The following NFIB variants were observed in gnomAD, a reference collection of about 807,000 sequenced individuals.
NFIB encodes the protein nuclear factor 1 B-type.
A neutral mutation model predicts 61.5 loss-of-function variants in NFIB; 11 were observed. That is an observed-to-expected ratio of 0.18 (90% CI 0.11 to 0.30). The LOEUF is 0.30. Ranked by LOEUF, NFIB falls within the 10% of genes least tolerant of loss-of-function variation. NFIB has a pLI of 1.00. For missense variants in NFIB, 471 were observed against 608.9 expected (o/e 0.77, Z 2.38); for synonymous variants, 260 against 216.5 (o/e 1.20, Z -1.76).
At chr9:14,416,611 G>C in the NFIB span, among the ~76,000 whole-genome samples, 1 of 151,974 alleles carries the variant, frequency 6.6e-6, no homozygotes, top group African/African-American at 2.4e-5. Flanking sequence ...TGTGTTTTAA[G>C]CTGCATTATT....
chr9:14,124,232 T>C (rs964373233), intron 7 of NFIB, among the ~76,000 whole-genome samples: 4 of 152,202 alleles, frequency 2.6e-5, no homozygotes, highest in African/African-American at 9.7e-5. Flanking sequence ...GAAATAAGAA[T>C]ATTTTCATCA....
At chr9:14,268,145 T>C (rs976751245) in intron 2 of NFIB, among the ~76,000 whole-genome samples, 4 of 151,650 alleles carry the variant, frequency 2.6e-5, no homozygotes, top group Admixed American at 6.6e-5. Flanking sequence ...AATTATATAC[T>C]GTACCCAAAA....
intron 6 of NFIB, among the ~76,000 whole-genome samples, chr9:14,141,602 T>A (rs1444187255): frequency 6.6e-6 from 1 of 152,148 alleles, no homozygotes; most frequent in African/African-American, 2.4e-5. Flanking sequence ...TTATTCATAT[T>A]TGTGTACCCA....
chr9:14,493,079 G>A, the NFIB span, among the ~76,000 whole-genome samples: 1 of 152,192 alleles, frequency 6.6e-6, no homozygotes, highest in Non-Finnish European at 1.5e-5. Context: ...GTAGAGCTCA[G>A]GTTTGAACTC....
At chr9:14,499,772 C>T in the NFIB span, among the ~76,000 whole-genome samples, 1 of 152,140 alleles carries the variant, frequency 6.6e-6, no homozygotes, top group Admixed American at 6.5e-5. Context: ...TCTGCTCCAA[C>T]CCAGGGGACT....
At chr9:14,512,197 T>C in the NFIB span, among the ~76,000 whole-genome samples, 80 of 152,212 alleles carry the variant, frequency 5.3e-4, no homozygotes, top group African/African-American at 1.9e-3. Context: ...GGGCAAAGGG[T>C]TCCAACGTCT....
At chr9:14,098,868 T>C (rs542733) in intron 10 of NFIB, among the ~76,000 whole-genome samples, 61,870 of 152,052 alleles carry the variant, frequency 0.41, 14,757 homozygotes, top group African/African-American at 0.66. Flanking sequence ...CAACAAAACA[T>C]CTTCAGGGTT....
chr9:14,400,822 G>C (rs1030210208), upstream of NFIB, among the ~76,000 whole-genome samples: 1 of 152,146 alleles, frequency 6.6e-6, no homozygotes, highest in African/African-American at 2.4e-5. Flanking sequence ...ATTGAAACAA[G>C]GGTCTTGGAG....
At chr9:14,480,226 T>A in the NFIB span, among the ~76,000 whole-genome samples, 2 of 152,032 alleles carry the variant, frequency 1.3e-5, no homozygotes, top group Non-Finnish European at 2.9e-5. Flanking sequence ...AAATGAGAGT[T>A]TCAGTACCTT....
At chr9:14,322,609 G>C (rs1023557548) in intron 1 of NFIB, among the ~76,000 whole-genome samples, 1 of 152,032 alleles carries the variant, frequency 6.6e-6, no homozygotes, top group Admixed American at 6.5e-5. Flanking sequence ...GGCCGGCCTG[G>C]GCGCGCGGGA....
At chr9:14,454,315 G>A in the NFIB span, among the ~76,000 whole-genome samples, 1 of 152,206 alleles carries the variant, frequency 6.6e-6, no homozygotes, top group Non-Finnish European at 1.5e-5. Flanking sequence ...AGAAGATTAT[G>A]TTGCTATTTA....
chr9:14,246,507 T>C (rs1271271896), intron 2 of NFIB, among the ~76,000 whole-genome samples: 2 of 152,228 alleles, frequency 1.3e-5, no homozygotes, highest in African/African-American at 4.8e-5. Context: ...TGTCCTCCTC[T>C]GAGCCTTCAG....
chr9:14,164,146 A>C (rs910850031), intron 3 of NFIB, among the ~76,000 whole-genome samples: 3 of 152,046 alleles, frequency 2.0e-5, no homozygotes, highest in South Asian at 4.1e-4. Flanking sequence ...TAAATAAAAC[A>C]AATGACTCTC....
chr9:14,416,892 C>CTTTTTTTTTTTT, the NFIB span, among the ~76,000 whole-genome samples: 4 of 126,936 alleles, frequency 3.2e-5, no homozygotes, highest in African/African-American at 1.0e-4. Context: ...ACTATTTTTA[C>CTTTTTTTTTTTT]TTTTTTTTTT....
At position 14,120,983 on chromosome 9, in the gene NFIB, C is replaced by CAGTAG. The variant is rs2038853941; in HGVS notation, c.1061-360_1061-359insCTACT. 6.6e-6 allele frequency among the ~76,000 whole-genome samples: 1 copy of CAGTAG among 152,166 alleles called. No homozygotes were observed. The highest frequency in any genetic ancestry group is 2.4e-5 in the African/African-American group (1 of 41,428). On this transcript the variant is annotated intron_variant, in intron 7 of 10. Coordinates refer to ENST00000380953, the MANE Select transcript of NFIB (RefSeq NM_001190737.2). The surrounding 1 kb of genome is among the most constrained non-coding windows in gnomAD (Gnocchi z 4.4). ...ATTCTTTGATTATAAAATCTTTAGG[C>CAGTAG]CGGGTGCAGTAGCTCACACCTGTAA... is the stretch of plus-strand genomic sequence containing the variant.
chr9:14,292,552 A>T (rs1371043918), intron 2 of NFIB, among the ~76,000 whole-genome samples: 1 of 152,240 alleles, frequency 6.6e-6, no homozygotes, highest in East Asian at 1.9e-4. Flanking sequence ...AATTCCTAGG[A>T]TGCTAGAGCT....
At chr9:14,530,556 GAGA>G in the NFIB span, among the ~76,000 whole-genome samples, 1 of 152,174 alleles carries the variant, frequency 6.6e-6, no homozygotes, top group African/African-American at 2.4e-5. Context: ...AAAGGGTGCA[GAGA>G]AGGACTCAGC....
At position 14,087,567 on chromosome 9, in the gene NFIB, TTTTC is replaced by T. The variant is rs2118447317; in HGVS notation, c.*738_*741del. 1.3e-5 allele frequency: 3 copies of T among 227,782 alleles called. No individual in the cohort carries two copies. In the South Asian group the frequency reaches 5.5e-4, roughly 42 times the overall value. 14.1% of individuals were successfully genotyped at this position (227,782 alleles called of 1,614,324 possible). A position where few individuals can be genotyped will look rare whatever the true frequency, so the allele number is the denominator to read the frequency against. On this transcript the variant is annotated 3_prime_UTR_variant, in exon 11 of 11. Coordinates refer to ENST00000380953, the MANE Select transcript of NFIB (RefSeq NM_001190737.2). Reference sequence around the variant, plus strand: ...TTGTGTTCAAACTGTTTTTTTCCTTTTTTCTTTTTTTCCTTTTTTTTTCATTTTT... The same window carrying T: ...TTGTGTTCAAACTGTTTTTTTCCTTTTTTTTTTCCTTTTTTTTTCATTTTT...
chr9:14,221,493 G>A (rs1040844156), intron 2 of NFIB, among the ~76,000 whole-genome samples: 3 of 152,160 alleles, frequency 2.0e-5, no homozygotes, highest in African/African-American at 4.8e-5. Context: ...AGGCTCATGA[G>A]ACAAAGTATG....
Sources: gnomAD v4.1 joint callset for allele counts (sites outside exome capture counted in the v4.1 genomes callset) on GRCh38, gnomAD v4.1.1 for gene constraint, Gnocchi (gnomAD v3.1) non-coding constraint, MANE v1.5 for transcripts, NCBI Gene and HGNC (gene_info 2026-07-23, HGNC 2026-07-21) for gene names.